Variants in SBNO2 observed in about 807,000 individuals in gnomAD.
SBNO2 encodes the protein strawberry notch homolog 2, also known as protein strawberry notch homolog 2.
Under a neutral mutation model 146.3 loss-of-function variants are expected in SBNO2, and 89 were observed. The observed-to-expected ratio is 0.61, with a 90% CI of 0.51 to 0.73. The LOEUF (loss-of-function observed/expected upper bound fraction) is 0.73. Among genes scored for constraint, SBNO2 ranks in the 30% least tolerant of loss-of-function variants. SBNO2 has a pLI of 0.00. For missense variants in SBNO2, 2,092 were observed against 2,003.7 expected (o/e 1.04, Z -0.84); for synonymous variants, 1,147 against 892.6 (o/e 1.29, Z -5.08).
chr19:1,146,429 T>G (rs2080190396), intron 4 of SBNO2, among the ~76,000 whole-genome samples: 1 of 152,168 alleles, frequency 6.6e-6, no homozygotes, highest in Non-Finnish European at 1.5e-5. Flanking sequence ...CGCTTCTCTC[T>G]GGATCTGGCC....
intron 1 of SBNO2, among the ~76,000 whole-genome samples, chr19:1,155,552 G>C (rs1007722389): frequency 4.3e-4 from 65 of 152,326 alleles, no homozygotes; most frequent in African/African-American, 1.6e-3. Flanking sequence ...TTAGGGGAAG[G>C]GACAGGCCCG....
At chr19:1,125,505 T>A (rs1475336261) in intron 5 of SBNO2, among the ~76,000 whole-genome samples, 1 of 151,830 alleles carries the variant, frequency 6.6e-6, no homozygotes, top group African/African-American at 2.4e-5. Context: ...ACCCCATCTC[T>A]ACTAAAAATA....
intron 4 of SBNO2, among the ~76,000 whole-genome samples, chr19:1,143,675 G>A (rs1034886184): frequency 2.0e-5 from 3 of 152,082 alleles, no homozygotes; most frequent in African/African-American, 7.2e-5. Context: ...CACGGCCAGA[G>A]CGCAGGCTCT....
chr19:1,111,647 C>G lies in SBNO2; in HGVS notation c.2701-33G>C, dbSNP rs781470534. 2.7e-6 allele frequency: 4 copies of G among 1,508,506 alleles called. No individual in the cohort carries two copies. In the Admixed American group the frequency reaches 7.8e-5, roughly 29 times the overall value. The allele number at this position is 1,508,506 out of a possible 1,614,324, so 93.4% of individuals were successfully genotyped here. A position where few individuals can be genotyped will look rare whatever the true frequency, so the allele number is the denominator to read the frequency against. The stretch of plus-strand genomic sequence containing the variant: ...GAGAAGGTGACTCGGGGAGGAGGCC[C>G]AGGGAGGAGGCTGGCTTTCCCTGGA... On this transcript the variant is annotated intron_variant, in intron 23 of 31. Coordinates refer to ENST00000361757, the MANE Select transcript of SBNO2 (RefSeq NM_014963.3).
rs1044769089 is a variant in SBNO2, at chr19:1,136,953, C to T, written c.280-9188G>A. Among the ~76,000 whole-genome samples the T allele has an allele frequency of 2.0e-5, 3 of 151,440 alleles. No homozygotes were observed. Among genetic ancestry groups the T allele is most frequent in the Non-Finnish European group, 4.4e-5 (3 of 67,944 alleles). ...TGCCCGGCAGGTGGAGAGGTCCTCA[C>T]AGGACAGGTGGTGGGCAAGGGGGCA... is the stretch of plus-strand genomic sequence containing the variant. On this transcript the variant is annotated intron_variant, in intron 4 of 31. Transcript: ENST00000361757. This position sits in a 1 kb window ranked among gnomAD's most constrained non-coding sequence, Gnocchi z 4.2.
At chr19:1,163,554 C>T (rs956170551) in intron 1 of SBNO2, among the ~76,000 whole-genome samples, 4 of 152,180 alleles carry the variant, frequency 2.6e-5, no homozygotes, top group African/African-American at 7.2e-5. Context: ...ACTCGGGTGC[C>T]CTGGGGTGAG....
At chr19:1,113,831 C>T (rs1040644856) in intron 18 of SBNO2, 127 bp from the exon 19 acceptor site, 4 of 1,216,696 alleles carry the variant, frequency 3.3e-6, no homozygotes, top group African/African-American at 3.2e-5. Flanking sequence ...GGCAGGGTGG[C>T]GGGGAAGCCC....
rs542956829 is a variant in SBNO2 at position 1,158,685 on chromosome 19, C to G, written c.-126-4283G>C. ...ATGGAGCCCGGCAGAGGCCACCGCA[C>G]AGTCCCTGGAGGCCGCATTACCTCA... On this transcript the variant is annotated intron_variant, in intron 1 of 31. Coordinates refer to ENST00000361757, the MANE Select transcript of SBNO2 (RefSeq NM_014963.3). The surrounding 1 kb of genome is among the most constrained non-coding windows in gnomAD (Gnocchi z 9.9). Among the ~76,000 whole-genome samples, 5 of 152,296 alleles carry G rather than the reference C, an allele frequency of 3.3e-5. No individual in the cohort carries two copies. In the East Asian group the frequency reaches 7.7e-4, roughly 24 times the overall value.
intron 4 of SBNO2, among the ~76,000 whole-genome samples, chr19:1,137,198 GAGGCTGGCACTGGGGTGCAGTGGAGGA>G (rs1568602311): frequency 9.1e-5 from 12 of 131,554 alleles, no homozygotes; most frequent in African/African-American, 3.5e-4. Context: ...GCGGTTGGGG[GAGGCTGGCACTGGGGTGCAGTGGAGGA>G]GAGGCTCGGG....
chr19:1,138,426 C>T (rs1208521454), intron 4 of SBNO2, among the ~76,000 whole-genome samples: 2 of 152,046 alleles, frequency 1.3e-5, no homozygotes, highest in East Asian at 3.9e-4. Context: ...CCAGCCAGAC[C>T]CAGTCATGCC....
chr19:1,119,371 C>T (rs950297020), intron 13 of SBNO2, 145 bp downstream of exon 13: 7 of 855,954 alleles, frequency 8.2e-6, no homozygotes, highest in Non-Finnish European at 1.1e-5. Context: ...GCTGGGCAGC[C>T]CGAGGCAGTG....
Position 1,112,619 on chromosome 19 carries a change from C to T in SBNO2, c.2380-82G>A. The T allele has an allele frequency of 1.4e-6, 2 of 1,479,358 alleles. No homozygotes were observed. Among genetic ancestry groups the T allele is most frequent in the Non-Finnish European group, 1.8e-6 (2 of 1,116,690 alleles). The allele number at this position is 1,479,358 out of a possible 1,614,324, so 91.6% of individuals were successfully genotyped here. A position where few individuals can be genotyped will look rare whatever the true frequency, so the allele number is the denominator to read the frequency against. ...CGCCACCTCCTCACCCACTAGGCCCCCGCTCCAGGTCACCAGGACGTCCCG... is the reference window on the plus strand; with the variant it reads ...CGCCACCTCCTCACCCACTAGGCCCTCGCTCCAGGTCACCAGGACGTCCCG... On this transcript the variant is annotated intron_variant, in intron 20 of 31. Transcript: ENST00000361757. This position sits in a 1 kb window ranked among gnomAD's most constrained non-coding sequence, Gnocchi z 5.9.
intron 3 of SBNO2, 21 bp from the exon 4 acceptor site, chr19:1,147,441 G>GT: frequency 2.5e-6 from 3 of 1,203,570 alleles, no homozygotes; most frequent in Admixed American, 2.6e-5. Flanking sequence ...ATGGGGGGGG[G>GT]GGAGGTGAGA....
At chr19:1,135,511 C>A (rs1205996757) in intron 4 of SBNO2, among the ~76,000 whole-genome samples, 1 of 152,252 alleles carries the variant, frequency 6.6e-6, no homozygotes, top group Admixed American at 6.5e-5. Context: ...TGGAGCAGGT[C>A]AGACTGAGGA....
intron 18 of SBNO2, 116 bp from the exon 19 acceptor site, chr19:1,113,820 C>A (rs1419924916): frequency 2.3e-6 from 3 of 1,307,138 alleles, no homozygotes; most frequent in Non-Finnish European, 3.0e-6. Flanking sequence ...CCCTGAGGGA[C>A]GGCAGGGTGG....
rs371982421 is a variant in SBNO2 at position 1,158,845 on chromosome 19, G to A, written c.-126-4443C>T. 2.6e-5 allele frequency among the ~76,000 whole-genome samples: 4 copies of A among 152,218 alleles called. No individual in the cohort carries two copies. The highest frequency in any genetic ancestry group is 1.3e-4 in the Admixed American group (2 of 15,298). On this transcript the variant is annotated intron_variant, in intron 1 of 31. Transcript: ENST00000361757. The surrounding 1 kb of genome is among the most constrained non-coding windows in gnomAD (Gnocchi z 9.9). ...AAGACAGAGCGGACTTGCGGCCTCC[G>A]GTGACCTCACAGCCGTGATGGCCTC...
chr19:1,109,025 C>T lies in SBNO2; in HGVS notation c.3426-56G>A. Reference sequence around the variant, plus strand: ...GCGGGTCCCAGGGGCCCGCAGGCTCCCCAGGTGCCCTGAGATCTCCCGCCT... The same window carrying T: ...GCGGGTCCCAGGGGCCCGCAGGCTCTCCAGGTGCCCTGAGATCTCCCGCCT... On this transcript the variant is annotated intron_variant, in intron 30 of 31. Transcript: ENST00000361757. The surrounding 1 kb of genome is among the most constrained non-coding windows in gnomAD (Gnocchi z 4.2). The T allele has an allele frequency of 6.7e-7, 1 of 1,493,494 alleles. No homozygotes were observed. Among genetic ancestry groups the T allele is most frequent in the Non-Finnish European group, 8.9e-7 (1 of 1,123,654 alleles). 92.5% of individuals were successfully genotyped at this position (1,493,494 alleles called of 1,614,324 possible). A position where few individuals can be genotyped will look rare whatever the true frequency, so the allele number is the denominator to read the frequency against.
In SBNO2 at chr19:1,109,832, G is replaced by A; in HGVS notation, c.3029-55C>T. On this transcript the variant is annotated intron_variant, in intron 26 of 31. Coordinates refer to ENST00000361757, the MANE Select transcript of SBNO2 (RefSeq NM_014963.3). The surrounding 1 kb of genome is among the most constrained non-coding windows in gnomAD (Gnocchi z 4.2). ...TCCAGGCCTGGGACTGTGGGCTGGG[G>A]CCAGGGTCAGTCCCGTAGCCGGGGC... 2.2e-6 allele frequency: 3 copies of A among 1,349,024 alleles called. No individual in the cohort carries two copies. Among genetic ancestry groups the A allele is most frequent in the Non-Finnish European group, 2.1e-6 (2 of 970,200 alleles). The allele number at this position is 1,349,024 out of a possible 1,614,324, so 83.6% of individuals were successfully genotyped here.
rs991596289 is a variant in SBNO2, at chr19:1,140,513, C to T, written c.279+6796G>A. ...CTCCGGGCCAGGGTGGCTGGAGGGC[C>T]GGGCAAGGCACACACGTGACACCGC... On this transcript the variant is annotated intron_variant, in intron 4 of 31. Transcript: ENST00000361757. The surrounding 1 kb of genome is among the most constrained non-coding windows in gnomAD (Gnocchi z 4.4). 2.6e-5 allele frequency among the ~76,000 whole-genome samples: 4 copies of T among 151,972 alleles called. No individual in the cohort carries two copies. The highest frequency in any genetic ancestry group is 5.9e-5 in the Non-Finnish European group (4 of 67,970).
Sources: allele counts gnomAD v4.1 joint callset (sites outside exome capture counted in the v4.1 genomes callset), GRCh38; gene constraint gnomAD v4.1.1; non-coding constraint Gnocchi (gnomAD v3.1); transcripts MANE v1.5; gene names NCBI Gene and HGNC (gene_info 2026-07-23, HGNC 2026-07-21).